ELMO1: variants seen among roughly 807,000 people sequenced by gnomAD.
The protein encoded by ELMO1 is engulfment and cell motility protein 1.
ELMO1 carries 26 observed loss-of-function variants against 98.9 expected under a neutral mutation model. The ratio of observed to expected loss-of-function variants is 0.26; its 90% CI spans 0.19 to 0.36. The LOEUF (loss-of-function observed/expected upper bound fraction) is 0.36, where lower values mean the gene tolerates loss of function less well. Among genes scored for constraint, ELMO1 ranks in the 10% least tolerant of loss-of-function variants. The probability of loss-of-function intolerance (pLI) is 1.00; values close to 1 mark genes in which losing one functional copy is unlikely to be tolerated. For missense variants in ELMO1, 627 were observed against 935.2 expected (o/e 0.67, Z 4.30); for synonymous variants, 346 against 346.0 (o/e 1.00, Z 0.00).
At chr7:36,974,134 G>A (rs1034406654) in intron 16 of ELMO1, among the ~76,000 whole-genome samples, 21 of 152,350 alleles carry the variant, frequency 1.4e-4, no homozygotes, top group South Asian at 4.1e-4. Context: ...GGCGCACAGC[G>A]CAGGACTGGC....
chr7:37,027,060 GCA>G (rs1794619931), intron 15 of ELMO1, among the ~76,000 whole-genome samples: 1 of 152,232 alleles, frequency 6.6e-6, no homozygotes, highest in Admixed American at 6.5e-5. Flanking sequence ...AGCTGGGCCA[GCA>G]CAGACACACA....
chr7:37,044,357 C>G (rs926380887), intron 15 of ELMO1, among the ~76,000 whole-genome samples: 3 of 152,210 alleles, frequency 2.0e-5, no homozygotes, highest in Admixed American at 6.5e-5. Context: ...ACACTTCCTG[C>G]ACTAAGTACT....
intron 16 of ELMO1, among the ~76,000 whole-genome samples, chr7:36,997,560 T>C (rs1347958549): frequency 6.6e-6 from 1 of 152,116 alleles, no homozygotes; most frequent in Non-Finnish European, 1.5e-5. Context: ...GATTGTGGTG[T>C]CACTCCTGGA....
At chr7:37,268,667 G>A (rs1796391512) in intron 5 of ELMO1, among the ~76,000 whole-genome samples, 1 of 152,184 alleles carries the variant, frequency 6.6e-6, no homozygotes, top group African/African-American at 2.4e-5. Flanking sequence ...GTTTAACACG[G>A]CCACTAGAGA....
chr7:37,382,322 G>A (rs556894870), intron 1 of ELMO1, among the ~76,000 whole-genome samples: 15 of 152,242 alleles, frequency 9.9e-5, no homozygotes, highest in South Asian at 4.1e-4. Context: ...CCCTTCACCC[G>A]TATTTCCCAA....
At chr7:37,211,129 A>G (rs925306403) in intron 13 of ELMO1, 1 of 396,846 alleles carries the variant, frequency 2.5e-6, no homozygotes, top group African/African-American at 2.0e-5. Context: ...TTCCGGGCTA[A>G]CTACTCTCGG....
chr7:36,935,186 G>A lies in ELMO1; in HGVS notation c.1438-40169C>T, dbSNP rs527964124. Among the ~76,000 whole-genome samples the A allele has an allele frequency of 2.0e-4, 31 of 152,190 alleles. 1 individual carries two copies. The Middle Eastern group carries it at 0.014, about 67-fold the overall frequency. Reference sequence around the variant, plus strand: ...TCTCGCGCCAGTGAATAAGTCTCACGAGATCAGATGGTTTTATAAGGGGAA... The same window carrying A: ...TCTCGCGCCAGTGAATAAGTCTCACAAGATCAGATGGTTTTATAAGGGGAA... On this transcript the variant is annotated intron_variant, in intron 16 of 21. Transcript: ENST00000310758.
chr7:36,862,054 C>T (rs1303366572), intron 20 of ELMO1: 9 of 308,764 alleles, frequency 2.9e-5, no homozygotes, highest in East Asian at 5.8e-5. Context: ...CCTCCTCGCC[C>T]GCCACCAAAA....
rs1051837881 is a variant in ELMO1 at position 37,430,233 on chromosome 7, G to A, written c.-74+18442C>T. 2.0e-5 allele frequency among the ~76,000 whole-genome samples: 3 copies of A among 152,170 alleles called. No homozygotes were observed. In the South Asian group the frequency reaches 6.2e-4, roughly 31 times the overall value. On this transcript the variant is annotated intron_variant, in intron 1 of 21. Coordinates refer to ENST00000310758, the MANE Select transcript of ELMO1 (RefSeq NM_014800.11). ...GCACATTTTTGGCCAACAGGACACA[G>A]GCCTCTTCTGCCATCCCCACCTGGG... is the stretch of plus-strand genomic sequence containing the variant.
chr7:36,930,524 C>T (rs146071349), intron 16 of ELMO1, among the ~76,000 whole-genome samples: 8 of 152,286 alleles, frequency 5.3e-5, no homozygotes, highest in Non-Finnish European at 1.2e-4. Context: ...TAGTGGGAAG[C>T]CTCCCAAGCC....
At chr7:36,945,889 T>A (rs2129099798) in intron 16 of ELMO1, among the ~76,000 whole-genome samples, 1 of 152,304 alleles carries the variant, frequency 6.6e-6, no homozygotes, top group South Asian at 2.1e-4. Context: ...TCAGACAGAT[T>A]CCCACTTTGG....
At chr7:37,213,578 G>A (rs1793109689) in intron 11 of ELMO1, 121 bp from the exon 12 acceptor site, 1 of 884,148 alleles carries the variant, frequency 1.1e-6, no homozygotes, top group Admixed American at 2.8e-5. Flanking sequence ...GAGAAGGAAG[G>A]TGAGGGCACA....
intron 1 of ELMO1, among the ~76,000 whole-genome samples, chr7:37,359,141 G>A (rs1220700403): frequency 1.3e-5 from 2 of 152,172 alleles, no homozygotes; most frequent in African/African-American, 4.8e-5. Context: ...GACTCATCTG[G>A]AGGAACCAGT....
At chr7:36,924,037 G>A (rs1785346038) in intron 16 of ELMO1, among the ~76,000 whole-genome samples, 2 of 152,202 alleles carry the variant, frequency 1.3e-5, no homozygotes, top group African/African-American at 4.8e-5. Flanking sequence ...AACTCATTCT[G>A]CAGGAGCCAC....
At chr7:36,895,055 T>C in intron 16 of ELMO1, 38 bp from the exon 17 acceptor site, 2 of 1,606,814 alleles carry the variant, frequency 1.2e-6, no homozygotes, top group Non-Finnish European at 1.7e-6. Context: ...TCCTGGGGGC[T>C]GACCTTTCCC....
In ELMO1 at chr7:37,222,672, G is replaced by C; in HGVS notation, c.723C>G (p.Thr241=). ...GCGCATTAATCACTGCAATAGTATA[G>C]GTTTGGATTTCTTGATCTGACCTGT... is the stretch of plus-strand genomic sequence containing the variant. ...HLQGSDQEIQ[T]YTIAVINALF... The change falls in exon 10 of 22, where the codon ACC becomes ACG. Residue 241 remains threonine (T), a synonymous_variant. Coordinates refer to ENST00000310758, the MANE Select transcript of ELMO1 (RefSeq NM_014800.11). 1 of 1,613,946 alleles carries C rather than the reference G, an allele frequency of 6.2e-7. No homozygotes were observed. Among genetic ancestry groups the C allele is most frequent in the Non-Finnish European group, 8.5e-7 (1 of 1,179,898 alleles).
rs547138403 is a variant in ELMO1 at position 37,044,765 on chromosome 7, A to G, written c.1301-31330T>C. Among the ~76,000 whole-genome samples the G allele has an allele frequency of 2.6e-5, 4 of 152,296 alleles. No individual in the cohort carries two copies. The East Asian group carries it at 7.7e-4, about 29-fold the overall frequency. On this transcript the variant is annotated intron_variant, in intron 15 of 21. Transcript: ENST00000310758. Reference sequence around the variant, plus strand: ...CCAACTATCTGCATTCTCATGTCTCACAGAAATCTCAAATGTAACATCCAA... The same window carrying G: ...CCAACTATCTGCATTCTCATGTCTCGCAGAAATCTCAAATGTAACATCCAA...
intron 15 of ELMO1, among the ~76,000 whole-genome samples, chr7:37,078,484 A>G (rs1468418968): frequency 6.6e-6 from 1 of 152,128 alleles, no homozygotes; most frequent in Admixed American, 6.5e-5. Context: ...CCACCATCTC[A>G]GTTAGGTTTC....
chr7:36,903,816 C>T (rs1783764310), intron 16 of ELMO1, among the ~76,000 whole-genome samples: 2 of 152,240 alleles, frequency 1.3e-5, no homozygotes, highest in Admixed American at 1.3e-4. Flanking sequence ...GCTGAGTCCT[C>T]CGCTTGTTAC....
Sources: allele counts gnomAD v4.1 joint callset (sites outside exome capture counted in the v4.1 genomes callset), GRCh38; gene constraint gnomAD v4.1.1; transcripts MANE v1.5; gene names NCBI Gene and HGNC (gene_info 2026-07-23, HGNC 2026-07-21).